CNTNAP5: variants seen among roughly 807,000 people sequenced by gnomAD.
CNTNAP5 encodes the protein contactin associated protein family member 5, also known as contactin-associated protein-like 5.
CNTNAP5 carries 72 observed loss-of-function variants against 150.2 expected under a neutral mutation model. The ratio of observed to expected loss-of-function variants is 0.48; its 90% CI spans 0.40 to 0.58. The LOEUF is 0.58. Ranked by LOEUF, CNTNAP5 falls within the 20% of genes least tolerant of loss-of-function variation. The pLI is 0.00. For missense variants in CNTNAP5, 1,636 were observed against 1,626.2 expected, an observed-to-expected ratio of 1.01 and a Z score of -0.10; for synonymous variants, 672 against 619.8, an observed-to-expected ratio of 1.08 and a Z score of -1.25.
At chr2:124,553,037 TTCTATTTCTGG>T (rs374841918) in intron 10 of CNTNAP5, among the ~76,000 whole-genome samples, 149,057 of 152,304 alleles carry the variant, frequency 0.98, 73,035 homozygotes, top group East Asian at 1. Flanking sequence ...GGACATTATA[TTCTATTTCTGG>T]GAAAGAAATA....
intron 1 of CNTNAP5, among the ~76,000 whole-genome samples, chr2:124,103,249 A>G (rs183244926): frequency 3.1e-4 from 47 of 152,348 alleles, no homozygotes; most frequent in African/African-American, 1.1e-3. Flanking sequence ...TGCCGTTACA[A>G]AAGAATCAAA....
chr2:124,076,216 C>T (rs932711724), intron 1 of CNTNAP5, among the ~76,000 whole-genome samples: 61 of 152,096 alleles, frequency 4.0e-4, no homozygotes, highest in Admixed American at 4.0e-3. Context: ...TTTGTCTCGA[C>T]TCGAACCCTG....
intron 7 of CNTNAP5, among the ~76,000 whole-genome samples, chr2:124,484,620 C>G (rs181825083): frequency 2.6e-5 from 4 of 152,290 alleles, no homozygotes; most frequent in African/African-American, 7.2e-5. Flanking sequence ...TAGCCTCACT[C>G]TGCTCACCAT....
At position 124,891,115 on chromosome 2, in the gene CNTNAP5, T is replaced by C. The variant is rs1678185554; in HGVS notation, c.3437-11767T>C. 2.0e-5 allele frequency among the ~76,000 whole-genome samples: 3 copies of C among 152,240 alleles called. 1 individual carries two copies. In the South Asian group the frequency reaches 6.2e-4, roughly 32 times the overall value. On this transcript the variant is annotated intron_variant, in intron 21 of 23. Transcript: ENST00000682447. ...TTTGTGGGTTAGAAAGTTAGGCGGA[T>C]CCTACTAGAGTTCTTCAGCTACTTG...
At chr2:124,855,764 A>G (rs1038615861) in intron 19 of CNTNAP5, among the ~76,000 whole-genome samples, 3 of 152,156 alleles carry the variant, frequency 2.0e-5, no homozygotes, top group African/African-American at 7.2e-5. Flanking sequence ...ATTTGGTTAC[A>G]TGAATAAGTT....
intron 13 of CNTNAP5, among the ~76,000 whole-genome samples, chr2:124,665,610 G>C (rs1025335873): frequency 1.3e-5 from 2 of 152,204 alleles, no homozygotes; most frequent in Non-Finnish European, 2.9e-5. Flanking sequence ...ATATTGGCCA[G>C]GCGTGGTGGC....
At chr2:124,611,350 A>G (rs1314533104) in intron 12 of CNTNAP5, among the ~76,000 whole-genome samples, 1 of 152,250 alleles carries the variant, frequency 6.6e-6, no homozygotes, top group African/African-American at 2.4e-5. Flanking sequence ...CCATCTGGAT[A>G]CAAAGTCCTA....
At chr2:124,776,418 T>C (rs1024582196) in intron 17 of CNTNAP5, among the ~76,000 whole-genome samples, 1 of 152,284 alleles carries the variant, frequency 6.6e-6, no homozygotes, top group Middle Eastern at 3.4e-3. Context: ...CCAAAATTGC[T>C]GTTCTTGCTT....
intron 1 of CNTNAP5, among the ~76,000 whole-genome samples, chr2:124,221,396 G>C (rs941276635): frequency 1.3e-5 from 2 of 152,100 alleles, no homozygotes; most frequent in African/African-American, 4.8e-5. Context: ...AATGTAGCTA[G>C]TTGGGTTTTT....
At chr2:124,056,597 G>A (rs1681853243) in intron 1 of CNTNAP5, among the ~76,000 whole-genome samples, 1 of 152,208 alleles carries the variant, frequency 6.6e-6, no homozygotes, top group East Asian at 1.9e-4. Flanking sequence ...AATGAGCCGA[G>A]ATCATGCCAC....
intron 3 of CNTNAP5, among the ~76,000 whole-genome samples, chr2:124,376,117 T>C (rs1690643251): frequency 6.6e-6 from 1 of 152,058 alleles, no homozygotes; most frequent in African/African-American, 2.4e-5. Flanking sequence ...GAAAAACATA[T>C]TCTAAGAGAA....
intron 1 of CNTNAP5, among the ~76,000 whole-genome samples, chr2:124,116,988 T>G (rs1054137768): frequency 8.5e-5 from 13 of 152,198 alleles, no homozygotes; most frequent in African/African-American, 3.1e-4. Context: ...CCTTGGCATG[T>G]TTTGCCATTA....
At chr2:124,076,713 C>T (rs12475898) in intron 1 of CNTNAP5, among the ~76,000 whole-genome samples, 1 of 151,928 alleles carries the variant, frequency 6.6e-6, no homozygotes, top group Admixed American at 6.6e-5. Context: ...GAATTCCTTT[C>T]TAATCTGTAG....
chr2:124,286,522 A>G (rs529151636), intron 3 of CNTNAP5, among the ~76,000 whole-genome samples: 121 of 152,176 alleles, frequency 8.0e-4, no homozygotes, highest in Non-Finnish European at 1.5e-3. Flanking sequence ...AGTTACAACA[A>G]TTGTTTTAGA....
At chr2:124,263,872 C>A (rs1291789990) in intron 3 of CNTNAP5, among the ~76,000 whole-genome samples, 1 of 152,114 alleles carries the variant, frequency 6.6e-6, no homozygotes, top group South Asian at 2.1e-4. Flanking sequence ...CATATGGCAG[C>A]CAGTTTTCCC....
At chr2:124,108,846 C>T (rs925733520) in intron 1 of CNTNAP5, among the ~76,000 whole-genome samples, 2 of 152,142 alleles carry the variant, frequency 1.3e-5, no homozygotes, top group Non-Finnish European at 2.9e-5. Context: ...TTTTATCTAA[C>T]TTGAGTTTAT....
intron 1 of CNTNAP5, among the ~76,000 whole-genome samples, chr2:124,094,656 G>T (rs1488378663): frequency 6.6e-6 from 1 of 152,134 alleles, no homozygotes; most frequent in Non-Finnish European, 1.5e-5. Context: ...CTGTATAGAG[G>T]CAAAATATGT....
chr2:124,635,126 A>T (rs1677945383), intron 12 of CNTNAP5, among the ~76,000 whole-genome samples: 1 of 152,210 alleles, frequency 6.6e-6, no homozygotes, highest in Admixed American at 6.5e-5. Context: ...ATTAGCTAAC[A>T]GTTCCACAGG....
chr2:124,251,540 C>T (rs975489865), intron 3 of CNTNAP5, among the ~76,000 whole-genome samples: 2 of 151,898 alleles, frequency 1.3e-5, no homozygotes, highest in East Asian at 3.9e-4. Flanking sequence ...ATCATGGACC[C>T]CTAACATCCT....
Sources: allele counts gnomAD v4.1 joint callset (sites outside exome capture counted in the v4.1 genomes callset), GRCh38; gene constraint gnomAD v4.1.1; transcripts MANE v1.5; gene names NCBI Gene and HGNC (gene_info 2026-07-23, HGNC 2026-07-21).